TSEN15: variants seen among roughly 807,000 people sequenced by gnomAD.
TSEN15 encodes tRNA splicing endonuclease subunit 15, also known as tRNA-splicing endonuclease subunit Sen15.
In TSEN15, 10 loss-of-function variants were observed where a neutral mutation model predicts 20.5. The ratio of observed to expected loss-of-function variants is 0.49; its 90% CI spans 0.30 to 0.83. TSEN15 has a LOEUF of 0.83. TSEN15 is among the 40% of genes least tolerant of loss of function. The pLI, the probability that TSEN15 is intolerant of heterozygous loss-of-function variation, is 0.06. For missense variants in TSEN15, 180 were observed against 218.6 expected, an observed-to-expected ratio of 0.82 and a Z score of 1.11; for synonymous variants, 72 against 80.1, an observed-to-expected ratio of 0.90 and a Z score of 0.54.
At chr1:184,057,538 T>C (rs1317776468) in intron 3 of TSEN15, among the ~76,000 whole-genome samples, 1 of 152,154 alleles carries the variant, frequency 6.6e-6, no homozygotes, top group African/African-American at 2.4e-5. Flanking sequence ...CACTTAACAT[T>C]TTGTTTGATG....
intron 3 of TSEN15, among the ~76,000 whole-genome samples, chr1:184,088,979 G>A (rs977147836): frequency 1.3e-5 from 2 of 152,196 alleles, no homozygotes; most frequent in African/African-American, 4.8e-5. Context: ...ATAATACACT[G>A]GAGTGATGTG....
intron 3 of TSEN15, among the ~76,000 whole-genome samples, chr1:184,080,884 GA>G (rs1651154793): frequency 6.6e-6 from 1 of 152,098 alleles, no homozygotes; most frequent in Non-Finnish European, 1.5e-5. Context: ...CCAGTGCTTG[GA>G]ATCCTAACAT....
At chr1:184,069,426 A>G (rs1299201300) in intron 3 of TSEN15, among the ~76,000 whole-genome samples, 1 of 152,254 alleles carries the variant, frequency 6.6e-6, no homozygotes, top group Middle Eastern at 3.4e-3. Context: ...GTGTGATGAA[A>G]CATACAATAT....
intron 3 of TSEN15, among the ~76,000 whole-genome samples, chr1:184,064,818 C>T (rs1414183146): frequency 6.6e-6 from 1 of 152,128 alleles, no homozygotes; most frequent in Non-Finnish European, 1.5e-5. Flanking sequence ...ATGCAAGAAC[C>T]TAATTTGGGG....
chr1:184,091,068 G>A (rs191224959), intron 3 of TSEN15, among the ~76,000 whole-genome samples: 4 of 152,190 alleles, frequency 2.6e-5, no homozygotes, highest in South Asian at 2.1e-4. Flanking sequence ...TCACCTTTAC[G>A]GAAACGTCAT....
rs1048493031 is a variant in TSEN15, at chr1:184,088,470, A to G, written c.354-7220A>G. 2.6e-5 allele frequency among the ~76,000 whole-genome samples: 4 copies of G among 152,070 alleles called. No homozygotes were observed. In the East Asian group the frequency reaches 7.7e-4, roughly 29 times the overall value. ...AGGAAGAGGAAAAGGAGAAGGAAGG[A>G]AGGAAGAGAAAGAAAGAAGAAAAGA... is the stretch of plus-strand genomic sequence containing the variant. On this transcript the variant is annotated intron_variant, in intron 3 of 3. Transcript: ENST00000643231.
intron 3 of TSEN15, among the ~76,000 whole-genome samples, chr1:184,080,103 C>T (rs1651133440): frequency 6.6e-6 from 1 of 152,110 alleles, no homozygotes; most frequent in Non-Finnish European, 1.5e-5. Context: ...CACAGTGAAC[C>T]TCTAAGGAGC....
At chr1:184,075,649 G>T (rs1572718192), downstream of TSEN15, among the ~76,000 whole-genome samples, 1 of 152,070 alleles carries the variant, frequency 6.6e-6, no homozygotes, top group Middle Eastern at 3.4e-3. Flanking sequence ...AGCATTTTCA[G>T]ACTCTACTAA....
chr1:184,058,289 CTTT>C, intron 3 of TSEN15: 1 of 325,152 alleles, frequency 3.1e-6, no homozygotes. Flanking sequence ...GAGCTTAAAT[CTTT>C]ATGTCTTGTT....
In TSEN15 at chr1:184,081,888, G is replaced by A. The variant is rs560781092; in HGVS notation, c.354-13802G>A. 1.1e-4 allele frequency among the ~76,000 whole-genome samples: 17 copies of A among 152,192 alleles called. 1 individual carries two copies. The South Asian group carries it at 1.5e-3, about 13-fold the overall frequency. On this transcript the variant is annotated intron_variant, in intron 3 of 3. Coordinates refer to the TSEN15 transcript ENST00000643231. ...GGTCATTGGGGACTTTATTCTTCCC[G>A]TTCTTCTGATGCACCAGATTGTTAC...
exon 4 of TSEN15, chr1:184,096,326 AG>A (rs1439554698): frequency 6.6e-6 from 1 of 152,170 alleles, no homozygotes; most frequent in Non-Finnish European, 1.5e-5. Context: ...CTGTGCACTG[AG>A]GGGCACTAAT....
intron 3 of TSEN15, 66 bp from the exon 4 acceptor site, chr1:184,072,091 T>C: frequency 6.7e-7 from 1 of 1,502,696 alleles, no homozygotes; most frequent in Non-Finnish European, 8.9e-7. Context: ...TCTAGTGCTT[T>C]CTTCTGTCAC....
downstream of TSEN15, among the ~76,000 whole-genome samples, chr1:184,077,957 A>C (rs1193939903): frequency 6.6e-6 from 1 of 152,196 alleles, no homozygotes; most frequent in African/African-American, 2.4e-5. Context: ...AAATTACATA[A>C]ACTTAATAAA....
At chr1:184,089,644 G>A (rs965074815) in intron 3 of TSEN15, among the ~76,000 whole-genome samples, 2 of 151,808 alleles carry the variant, frequency 1.3e-5, no homozygotes, top group African/African-American at 2.4e-5. Context: ...AATAATAAAT[G>A]AAATATCAAA....
At chr1:184,058,017 G>T in intron 3 of TSEN15, 1 of 294,918 alleles carries the variant, frequency 3.4e-6, no homozygotes, top group Non-Finnish European at 6.6e-6. Flanking sequence ...TATTTGTTTG[G>T]ACAAGGAGCT....
chr1:184,070,715 A>G, intron 3 of TSEN15: 1 of 1,259,826 alleles, frequency 7.9e-7, no homozygotes, highest in Non-Finnish European at 1.0e-6. Context: ...TCACAGTGTG[A>G]CTTCCCATCA....
chr1:184,084,819 ATAC>A (rs1243031472), intron 3 of TSEN15, among the ~76,000 whole-genome samples: 8 of 152,040 alleles, frequency 5.3e-5, no homozygotes, highest in Non-Finnish European at 1.0e-4. Flanking sequence ...CCACCTGTTA[ATAC>A]TACTACAATG....
At chr1:184,061,007 TC>T (rs986901376) in intron 3 of TSEN15, among the ~76,000 whole-genome samples, 8 of 151,878 alleles carry the variant, frequency 5.3e-5, no homozygotes, top group African/African-American at 1.9e-4. Flanking sequence ...TAATCTTTCT[TC>T]CCCCCCAAAA....
intron 3 of TSEN15, among the ~76,000 whole-genome samples, chr1:184,066,759 A>G (rs970523958): frequency 6.6e-6 from 1 of 152,116 alleles, no homozygotes; most frequent in Non-Finnish European, 1.5e-5. Flanking sequence ...GTTCTTTAAC[A>G]CTTTGTTGGA....
Sources: allele counts gnomAD v4.1 joint callset (sites outside exome capture counted in the v4.1 genomes callset), GRCh38; gene constraint gnomAD v4.1.1; transcripts MANE v1.5; gene names NCBI Gene and HGNC (gene_info 2026-07-23, HGNC 2026-07-21).